The following NAALADL2 variants were observed in gnomAD, a reference collection of about 807,000 sequenced individuals.
NAALADL2 encodes the protein N-acetylated alpha-linked acidic dipeptidase like 2.
NAALADL2 carries 76 observed loss-of-function variants against 87.2 expected under a neutral mutation model. The observed-to-expected ratio is 0.87, with a 90% CI of 0.72 to 1.05. NAALADL2 has a LOEUF of 1.05. Among genes scored for constraint, NAALADL2 ranks in the 50% least tolerant of loss-of-function variants. The pLI is 0.00. For synonymous variants in NAALADL2, 354 were observed against 331.0 expected (o/e 1.07, Z -0.75); for missense variants, 1,089 against 945.8 (o/e 1.15, Z -1.99).
At chr3:175,488,008 CA>C (rs1401054553) in intron 9 of NAALADL2, among the ~76,000 whole-genome samples, 4 of 151,970 alleles carry the variant, frequency 2.6e-5, no homozygotes, top group Non-Finnish European at 5.9e-5. Flanking sequence ...ATGGAAATGC[CA>C]AGAGGAAAAG....
At chr3:175,003,496 GA>G (rs1218695797) in intron 1 of NAALADL2, among the ~76,000 whole-genome samples, 5 of 152,222 alleles carry the variant, frequency 3.3e-5, no homozygotes, top group South Asian at 2.1e-4. Flanking sequence ...TTGACATTCA[GA>G]AACAGTGACT....
chr3:175,097,562 C>T (rs1394783134), intron 2 of NAALADL2, among the ~76,000 whole-genome samples: 1 of 151,984 alleles, frequency 6.6e-6, no homozygotes, highest in Non-Finnish European at 1.5e-5. Context: ...GTATTTTCTC[C>T]CTCTTGGTGA....
chr3:174,885,678 A>G (rs1255258841), intron 1 of NAALADL2, among the ~76,000 whole-genome samples: 1 of 152,016 alleles, frequency 6.6e-6, no homozygotes, highest in African/African-American at 2.4e-5. Flanking sequence ...AAAGAACTCC[A>G]TCCTTAATAT....
intron 1 of NAALADL2, among the ~76,000 whole-genome samples, chr3:174,974,568 T>G (rs1412785838): frequency 6.6e-6 from 1 of 152,166 alleles, no homozygotes; most frequent in Admixed American, 6.5e-5. Context: ...TAGTAGGAAT[T>G]CCACCAATGA....
chr3:174,676,969 A>T (rs1005753280), intron 2 of NAALADL2, among the ~76,000 whole-genome samples: 14 of 152,086 alleles, frequency 9.2e-5, no homozygotes, highest in African/African-American at 3.1e-4. Flanking sequence ...GAAAGTATTG[A>T]TTCATGACAC....
intron 3 of NAALADL2, among the ~76,000 whole-genome samples, chr3:174,787,465 G>A (rs1716803335): frequency 6.7e-6 from 1 of 149,800 alleles, no homozygotes; most frequent in East Asian, 2.0e-4. Flanking sequence ...TAGTATCTCA[G>A]TTAACAGGAT....
At chr3:175,152,530 T>C (rs962187068) in intron 2 of NAALADL2, among the ~76,000 whole-genome samples, 2 of 152,082 alleles carry the variant, frequency 1.3e-5, no homozygotes, top group East Asian at 3.9e-4. Flanking sequence ...ACACCAAAAA[T>C]ATTATACAGA....
At chr3:174,554,438 C>T (rs1454930419) in intron 2 of NAALADL2, among the ~76,000 whole-genome samples, 2 of 151,780 alleles carry the variant, frequency 1.3e-5, no homozygotes, top group African/African-American at 4.8e-5. Context: ...TTCTTCCCTT[C>T]CCTTCTCTTC....
At chr3:175,156,142 G>T (rs1247463118) in intron 2 of NAALADL2, among the ~76,000 whole-genome samples, 2 of 152,096 alleles carry the variant, frequency 1.3e-5, no homozygotes, top group African/African-American at 4.8e-5. Flanking sequence ...TTAGACTAAG[G>T]ATTCTTATTT....
chr3:175,072,711 A>AGGGG (rs1715885820), intron 1 of NAALADL2, among the ~76,000 whole-genome samples: 1 of 109,664 alleles, frequency 9.1e-6, no homozygotes, highest in Non-Finnish European at 1.8e-5. Flanking sequence ...GGGGGGAGGG[A>AGGGG]TAGCATTAGG....
chr3:174,510,952 C>G (rs1231825767), intron 1 of NAALADL2, among the ~76,000 whole-genome samples: 2 of 151,766 alleles, frequency 1.3e-5, no homozygotes, highest in Non-Finnish European at 2.9e-5. Flanking sequence ...TTCTGTTGAT[C>G]CATGTGTCAT....
intron 5 of NAALADL2, among the ~76,000 whole-genome samples, chr3:175,335,835 CA>C (rs1423878453): frequency 2.6e-5 from 4 of 152,036 alleles, no homozygotes; most frequent in South Asian, 4.1e-4. Flanking sequence ...TTTTTGAGAG[CA>C]AATCATCTAA....
intron 1 of NAALADL2, among the ~76,000 whole-genome samples, chr3:174,913,073 C>T (rs1031944587): frequency 1.3e-5 from 2 of 152,108 alleles, no homozygotes; most frequent in Admixed American, 6.6e-5. Context: ...GGCATATTTT[C>T]ACATTTTAAA....
At chr3:175,421,934 G>A (rs914376403) in intron 5 of NAALADL2, among the ~76,000 whole-genome samples, 2 of 152,012 alleles carry the variant, frequency 1.3e-5, no homozygotes, top group African/African-American at 2.4e-5. Flanking sequence ...AAATACCCTG[G>A]TGAAGGAGTT....
chr3:175,322,887 G>A (rs986609779), intron 4 of NAALADL2, among the ~76,000 whole-genome samples: 2 of 151,118 alleles, frequency 1.3e-5, no homozygotes, highest in African/African-American at 4.9e-5. Flanking sequence ...TACAGTGTTG[G>A]TGGGACTGTA....
At chr3:174,466,657 A>G (rs768882935) in intron 1 of NAALADL2, among the ~76,000 whole-genome samples, 1 of 152,172 alleles carries the variant, frequency 6.6e-6, no homozygotes, top group East Asian at 1.9e-4. Context: ...CTCCTGTGAC[A>G]ACCCTAATTA....
chr3:175,725,697 TG>T (rs760197446), intron 11 of NAALADL2, among the ~76,000 whole-genome samples: 11 of 152,168 alleles, frequency 7.2e-5, no homozygotes, highest in Admixed American at 4.6e-4. Context: ...CCAGAATGCT[TG>T]GGCTCAAATC....
intron 2 of NAALADL2, among the ~76,000 whole-genome samples, chr3:175,113,584 C>T (rs1417930619): frequency 6.6e-6 from 1 of 151,334 alleles, no homozygotes; most frequent in African/African-American, 2.4e-5. Context: ...ACATGAGACC[C>T]CTGGGTCAAA....
At chr3:175,722,018 A>G (rs567333950) in intron 11 of NAALADL2, among the ~76,000 whole-genome samples, 324 of 152,206 alleles carry the variant, frequency 2.1e-3, no homozygotes, top group African/African-American at 7.5e-3. Context: ...ATACACATGC[A>G]CACATACCCA....
Sources: gnomAD v4.1 joint callset for allele counts (sites outside exome capture counted in the v4.1 genomes callset) on GRCh38, gnomAD v4.1.1 for gene constraint, MANE v1.5 for transcripts, NCBI Gene and HGNC (gene_info 2026-07-23, HGNC 2026-07-21) for gene names.